Variants in COG5 observed in about 807,000 individuals in gnomAD.
The protein encoded by COG5 is component of oligomeric golgi complex 5, also known as conserved oligomeric Golgi complex subunit 5.
A neutral mutation model predicts 110.4 loss-of-function variants in COG5; 86 were observed. The observed-to-expected ratio is 0.78, with a 90% CI of 0.65 to 0.93. The LOEUF is 0.93. Among genes scored for constraint, COG5 ranks in the 40% least tolerant of loss-of-function variants. The pLI, the probability that COG5 is intolerant of heterozygous loss-of-function variation, is 0.00. For missense variants in COG5, 1,077 were observed against 987.0 expected (o/e 1.09, Z -1.22); for synonymous variants, 360 against 334.6 (o/e 1.08, Z -0.83).
intron 6 of COG5, among the ~76,000 whole-genome samples, chr7:107,481,596 G>A (rs1797350646): frequency 1.3e-5 from 2 of 152,034 alleles, no homozygotes; most frequent in South Asian, 2.1e-4. Flanking sequence ...ATTGGGTAAA[G>A]AAGAATCAAA....
At chr7:107,453,425 T>C (rs893395824) in intron 6 of COG5, among the ~76,000 whole-genome samples, 4 of 152,154 alleles carry the variant, frequency 2.6e-5, no homozygotes, top group African/African-American at 9.7e-5. Flanking sequence ...AGCTCATAGA[T>C]TAGCTAAATG....
At chr7:107,295,934 G>A (rs543381116) in intron 12 of COG5, among the ~76,000 whole-genome samples, 25 of 152,110 alleles carry the variant, frequency 1.6e-4, no homozygotes. Context: ...GGGATTACAG[G>A]CATGCACCAC....
intron 5 of COG5, among the ~76,000 whole-genome samples, chr7:107,542,011 T>G (rs1284374838): frequency 6.6e-6 from 1 of 151,844 alleles, no homozygotes; most frequent in African/African-American, 2.4e-5. Context: ...AAAAGATTAG[T>G]AAATTTACAA....
chr7:107,290,823 G>A (rs527837412), intron 12 of COG5, among the ~76,000 whole-genome samples: 22 of 150,066 alleles, frequency 1.5e-4, no homozygotes, highest in Admixed American at 1.4e-3. Flanking sequence ...TTGGGAAGGG[G>A]GCGTGGGGAG....
intron 8 of COG5, among the ~76,000 whole-genome samples, chr7:107,363,591 A>G (rs910501158): frequency 2.6e-5 from 4 of 152,200 alleles, no homozygotes; most frequent in African/African-American, 9.7e-5. Context: ...AGAAAAAAAA[A>G]TCACCATTTT....
intron 10 of COG5, among the ~76,000 whole-genome samples, chr7:107,338,274 G>A (rs1810877993): frequency 6.6e-6 from 1 of 152,056 alleles, no homozygotes; most frequent in Non-Finnish European, 1.5e-5. Context: ...AATCAAAACA[G>A]TATGGTACCG....
rs748394361 is a variant in COG5, at chr7:107,256,788, A to C, written c.1693T>G (p.Ser565Ala). ...GCCAGTGGGAATGAGCTCTGACTGG[A>C]AACAACCTAGAACAAGGTTTTGATC... ...KLHQSVTKVVSSQSSFPLAAE... is the reference protein window; with the variant it reads ...KLHQSVTKVVASQSSFPLAAE... The change falls in exon 16 of 22, where the codon TCC becomes GCC. Residue 565 changes from serine to alanine, a missense_variant. Coordinates refer to ENST00000297135, the MANE Select transcript of COG5 (RefSeq NM_006348.5). The C allele has an allele frequency of 6.2e-7, 1 of 1,609,292 alleles. No individual in the cohort carries two copies. The highest frequency in any genetic ancestry group is 8.5e-7 in the Non-Finnish European group (1 of 1,176,380).
intron 21 of COG5, chr7:107,208,703 GAGT>G: frequency 1.0e-6 from 1 of 985,404 alleles, no homozygotes; most frequent in Non-Finnish European, 1.2e-6. Flanking sequence ...GTTCATAGCT[GAGT>G]AACAGATAAG....
intron 5 of COG5, 123 bp downstream of exon 5, chr7:107,547,988 C>G (rs1316575953): frequency 3.7e-6 from 3 of 800,726 alleles, no homozygotes; most frequent in Non-Finnish European, 6.1e-6. Context: ...GTATTTTTTT[C>G]TCCTTTTCTC....
chr7:107,324,515 G>A lies in COG5; in HGVS notation c.1033C>T (p.Gln345Ter). 1 of 1,601,308 alleles carries A rather than the reference G, an allele frequency of 6.2e-7. No homozygotes were observed. Among genetic ancestry groups the A allele is most frequent in the East Asian group, 2.2e-5 (1 of 44,534 alleles). ...CFIEEIVKDGQPEIFYTFWNS... is the reference protein window; with the variant it reads ...CFIEEIVKDG The stretch of plus-strand genomic sequence containing the variant: ...CAAAATGTGTAGAAAATTTCCGGTT[G>A]TCCATCCTGTGAAGAACAAACAAAA... The change falls in exon 11 of 22, where the codon CAA becomes TAA. Residue 345 changes from glutamine to a stop codon, truncating the protein, a stop_gained. Coordinates refer to ENST00000297135, the MANE Select transcript of COG5 (RefSeq NM_006348.5). LOFTEE classifies it high-confidence loss of function.
intron 10 of COG5, among the ~76,000 whole-genome samples, chr7:107,329,004 A>G (rs969246151): frequency 6.6e-6 from 1 of 152,052 alleles, no homozygotes; most frequent in Non-Finnish European, 1.5e-5. Flanking sequence ...TCTAGGTCTG[A>G]GCCTGCAGGC....
intron 6 of COG5, among the ~76,000 whole-genome samples, chr7:107,462,716 C>A (rs1305304048): frequency 6.6e-6 from 1 of 151,400 alleles, no homozygotes; most frequent in Non-Finnish European, 1.5e-5. Context: ...TCCCAAAAAC[C>A]AGGACACAAT....
chr7:107,495,294 T>C lies in COG5; in HGVS notation c.538+31943A>G, dbSNP rs146727441. Among the ~76,000 whole-genome samples, 678 of 152,234 alleles carry C rather than the reference T, an allele frequency of 4.5e-3. 8 individuals carry two copies. The highest frequency in any genetic ancestry group is 0.015 in the African/African-American group (628 of 41,554). ...GCCAGAATCCTTGGCGATAGCTAAC[T>C]ACACAGGTACAGGGAAAACCATAAG... is the stretch of plus-strand genomic sequence containing the variant. On this transcript the variant is annotated intron_variant, in intron 6 of 21. Coordinates refer to ENST00000297135, the MANE Select transcript of COG5 (RefSeq NM_006348.5).
chr7:107,241,904 C>T (rs542275234), intron 17 of COG5, among the ~76,000 whole-genome samples: 65 of 152,200 alleles, frequency 4.3e-4, no homozygotes, highest in Middle Eastern at 3.4e-3. Flanking sequence ...GCCTTAGCTC[C>T]CCAAAGAGCT....
chr7:107,332,830 T>C (rs770398363), intron 10 of COG5, among the ~76,000 whole-genome samples: 2 of 151,846 alleles, frequency 1.3e-5, no homozygotes, highest in Non-Finnish European at 2.9e-5. Context: ...AATATTTAGA[T>C]GGTAAAACAC....
chr7:107,376,189 T>C (rs1033163387), intron 7 of COG5, among the ~76,000 whole-genome samples: 27 of 152,038 alleles, frequency 1.8e-4, no homozygotes, highest in African/African-American at 4.6e-4. Flanking sequence ...CTATCTAAAT[T>C]ACTGTAGCTT....
chr7:107,311,542 C>T (rs956189187), intron 11 of COG5, among the ~76,000 whole-genome samples: 2 of 149,796 alleles, frequency 1.3e-5, no homozygotes, highest in Admixed American at 6.6e-5. Context: ...TACAGGCGCC[C>T]GCCACCGCGC....
intron 12 of COG5, among the ~76,000 whole-genome samples, chr7:107,294,917 GTGTGTGTA>G (rs1232101687): frequency 1.6e-3 from 118 of 73,778 alleles, no homozygotes; most frequent in Non-Finnish European, 1.9e-3. Context: ...GTGTGTGTGT[GTGTGTGTA>G]TATATACACA....
intron 12 of COG5, among the ~76,000 whole-genome samples, chr7:107,287,456 G>A (rs940375150): frequency 3.9e-5 from 6 of 152,072 alleles, no homozygotes; most frequent in African/African-American, 1.2e-4. Flanking sequence ...ACTCCATGTC[G>A]AATCTGACAA....
Sources: gnomAD v4.1 joint callset for allele counts (sites outside exome capture counted in the v4.1 genomes callset) on GRCh38, gnomAD v4.1.1 for gene constraint, MANE v1.5 for transcripts, NCBI Gene and HGNC (gene_info 2026-07-23, HGNC 2026-07-21) for gene names.